Variants in CCSER1 observed in about 807,000 individuals in gnomAD.
The protein encoded by CCSER1 is coiled-coil serine rich protein 1, also known as serine-rich coiled-coil domain-containing protein 1.
CCSER1 carries 41 observed loss-of-function variants against 82.0 expected under a neutral mutation model. The observed-to-expected ratio is 0.50, with a 90% CI of 0.39 to 0.65. CCSER1 has a LOEUF of 0.65. Ranked by LOEUF, CCSER1 falls within the 30% of genes least tolerant of loss-of-function variation. The pLI, the probability that CCSER1 is intolerant of heterozygous loss-of-function variation, is 0.00. For synonymous variants in CCSER1, 414 were observed against 383.9 expected (o/e 1.08, Z -0.92); for missense variants, 1,119 against 1,064.2 (o/e 1.05, Z -0.72).
At chr4:90,234,776 A>AT (rs758871675) in intron 1 of CCSER1, among the ~76,000 whole-genome samples, 42 of 152,342 alleles carry the variant, frequency 2.8e-4, no homozygotes, top group Non-Finnish European at 4.7e-4. Flanking sequence ...AATTTGAGGC[A>AT]TAGAGAGGTT....
chr4:91,140,716 C>A (rs928479157), intron 10 of CCSER1, among the ~76,000 whole-genome samples: 1 of 152,062 alleles, frequency 6.6e-6, no homozygotes, highest in Non-Finnish European at 1.5e-5. Flanking sequence ...GCTTTTGATG[C>A]CTAAATTCCA....
At chr4:91,266,323 G>A (rs1273208857) in intron 10 of CCSER1, among the ~76,000 whole-genome samples, 1 of 151,980 alleles carries the variant, frequency 6.6e-6, no homozygotes, top group East Asian at 1.9e-4. Flanking sequence ...CATGATCTCG[G>A]CTCACTGCAA....
intron 10 of CCSER1, among the ~76,000 whole-genome samples, chr4:91,445,007 C>G (rs1478727819): frequency 3.9e-5 from 6 of 152,104 alleles, no homozygotes; most frequent in Non-Finnish European, 8.8e-5. Flanking sequence ...TTGTTAAAAG[C>G]AAAGATACAA....
intron 9 of CCSER1, among the ~76,000 whole-genome samples, chr4:90,983,477 C>T (rs1736306310): frequency 6.6e-6 from 1 of 151,636 alleles, no homozygotes; most frequent in African/African-American, 2.4e-5. Flanking sequence ...CTGTGATCCT[C>T]TTCCTAAATC....
rs10014272 is a variant in CCSER1, at chr4:90,182,489, T to A, written c.-42+54658T>A. ...ATTATAGTCAATTTGCTTTATTCAG[T>A]GGTGAAGGAAGCATTACAGGATATG... On this transcript the variant is annotated intron_variant, in intron 1 of 10. Coordinates refer to ENST00000509176, the MANE Select transcript of CCSER1 (RefSeq NM_001145065.2). Among the ~76,000 whole-genome samples the A allele has an allele frequency of 2.0e-3, 311 of 152,000 alleles. 4 individuals are homozygous for A. The highest frequency in any genetic ancestry group is 6.8e-3 in the African/African-American group (280 of 41,458).
At chr4:90,418,694 T>C (rs191244908) in intron 4 of CCSER1, among the ~76,000 whole-genome samples, 1 of 152,150 alleles carries the variant, frequency 6.6e-6, no homozygotes, top group East Asian at 1.9e-4. Context: ...AATGTTAAAA[T>C]CACATGTTCA....
chr4:90,750,579 A>G (rs939168396), intron 7 of CCSER1, among the ~76,000 whole-genome samples: 3 of 152,254 alleles, frequency 2.0e-5, no homozygotes, highest in African/African-American at 7.2e-5. Context: ...CAGCTCTCAA[A>G]GTGCTCAAAT....
At chr4:90,316,793 A>T (rs1736250015) in intron 3 of CCSER1, among the ~76,000 whole-genome samples, 1 of 152,134 alleles carries the variant, frequency 6.6e-6, no homozygotes, top group Non-Finnish European at 1.5e-5. Flanking sequence ...GTTTTTGTGT[A>T]CTTCTGGGGT....
At chr4:91,081,280 T>C (rs2148801532) in intron 9 of CCSER1, among the ~76,000 whole-genome samples, 1 of 152,212 alleles carries the variant, frequency 6.6e-6, no homozygotes, top group Middle Eastern at 3.4e-3. Flanking sequence ...ACGTAATCCA[T>C]CATGTAAACA....
chr4:90,911,539 G>A (rs978953887), intron 8 of CCSER1, among the ~76,000 whole-genome samples: 1 of 152,158 alleles, frequency 6.6e-6, no homozygotes, highest in African/African-American at 2.4e-5. Context: ...TCAGTCTACA[G>A]CTCCCAGTGT....
intron 10 of CCSER1, among the ~76,000 whole-genome samples, chr4:91,357,886 C>T (rs1267016833): frequency 3.0e-5 from 2 of 67,566 alleles, no homozygotes; most frequent in African/African-American, 9.8e-5. Context: ...GCCCCCCCCC[C>T]CTTTTTTTTT....
intron 1 of CCSER1, among the ~76,000 whole-genome samples, chr4:90,238,171 C>CT (rs1280647241): frequency 1.4e-4 from 22 of 151,848 alleles, no homozygotes; most frequent in Admixed American, 5.2e-4. Flanking sequence ...AAAGTCAAAC[C>CT]TTTTTTTTGA....
chr4:90,548,098 G>A (rs1776995087), intron 5 of CCSER1, among the ~76,000 whole-genome samples: 2 of 151,950 alleles, frequency 1.3e-5, no homozygotes, highest in Non-Finnish European at 2.9e-5. Flanking sequence ...ATGGACAAGG[G>A]CAATCATTCT....
intron 1 of CCSER1, among the ~76,000 whole-genome samples, chr4:90,158,248 AG>A (rs1309844782): frequency 6.6e-6 from 1 of 152,102 alleles, no homozygotes; most frequent in Non-Finnish European, 1.5e-5. Flanking sequence ...TTTGTCTCAG[AG>A]GAGTACCTGG....
At chr4:91,281,142 C>T (rs1277153774) in intron 10 of CCSER1, among the ~76,000 whole-genome samples, 1 of 152,218 alleles carries the variant, frequency 6.6e-6, no homozygotes, top group Non-Finnish European at 1.5e-5. Context: ...GGGAATCTCT[C>T]CAGGCTCCCA....
intron 9 of CCSER1, among the ~76,000 whole-genome samples, chr4:90,940,530 A>G (rs1201673332): frequency 6.6e-6 from 1 of 152,142 alleles, no homozygotes; most frequent in Non-Finnish European, 1.5e-5. Flanking sequence ...AAATTAAAAT[A>G]GGGATTAACG....
chr4:90,840,151 CTATT>C (rs1164160758), intron 8 of CCSER1, among the ~76,000 whole-genome samples: 1 of 152,004 alleles, frequency 6.6e-6, no homozygotes, highest in African/African-American at 2.4e-5. Flanking sequence ...TGAACATCAA[CTATT>C]TATTTTCATA....
At chr4:91,357,886 C>CTG (rs1560609562) in intron 10 of CCSER1, among the ~76,000 whole-genome samples, 17 of 67,536 alleles carry the variant, frequency 2.5e-4, no homozygotes, top group African/African-American at 8.3e-4. Context: ...GCCCCCCCCC[C>CTG]CTTTTTTTTT....
chr4:90,695,590 C>T (rs1560960738), intron 6 of CCSER1, among the ~76,000 whole-genome samples: 1 of 151,964 alleles, frequency 6.6e-6, no homozygotes, highest in Non-Finnish European at 1.5e-5. Flanking sequence ...AAAGGCAATA[C>T]AGTTGTGATT....
Sources: allele counts gnomAD v4.1 joint callset (sites outside exome capture counted in the v4.1 genomes callset), GRCh38; gene constraint gnomAD v4.1.1; transcripts MANE v1.5; gene names NCBI Gene and HGNC (gene_info 2026-07-23, HGNC 2026-07-21).